The following EIF3J variants were observed in gnomAD, a reference collection of about 807,000 sequenced individuals.
EIF3J encodes eukaryotic translation initiation factor 3, subunit 1 (alpha, 35kD).
EIF3J carries 15 observed loss-of-function variants against 39.0 expected under a neutral mutation model. That is an observed-to-expected ratio of 0.38 (90% CI 0.26 to 0.59). The LOEUF (loss-of-function observed/expected upper bound fraction) is 0.59, where lower values mean the gene tolerates loss of function less well. Ranked by LOEUF, EIF3J falls within the 20% of genes least tolerant of loss-of-function variation. The probability of loss-of-function intolerance (pLI) is 0.60; values close to 1 mark genes in which losing one functional copy is unlikely to be tolerated. For synonymous variants in EIF3J, 98 were observed against 112.9 expected (o/e 0.87, Z 0.84); for missense variants, 226 against 308.6 (o/e 0.73, Z 2.00).
intron 4 of EIF3J, among the ~76,000 whole-genome samples, chr15:44,553,971 C>G (rs924572682): frequency 6.6e-6 from 1 of 151,972 alleles, no homozygotes; most frequent in Non-Finnish European, 1.5e-5. Context: ...TAGAAGTAAC[C>G]CCAGTCTTCC....
chr15:44,550,795 C>G (rs962908452), intron 2 of EIF3J, 81 bp from the exon 3 acceptor site: 3 of 961,672 alleles, frequency 3.1e-6, no homozygotes, highest in Non-Finnish European at 4.9e-6. Flanking sequence ...AAACATTTCT[C>G]TGGAGTTAGT....
chr15:44,560,113 C>A, intron 6 of EIF3J, 136 bp from the exon 7 acceptor site: 1 of 683,546 alleles, frequency 1.5e-6, no homozygotes, highest in Non-Finnish European at 2.3e-6. Context: ...TAACAATGAA[C>A]AAATTGGATT....
At chr15:44,546,066 TC>T (rs1293827620) in intron 2 of EIF3J, among the ~76,000 whole-genome samples, 1 of 152,206 alleles carries the variant, frequency 6.6e-6, no homozygotes, top group Non-Finnish European at 1.5e-5. Flanking sequence ...CACTCACAGA[TC>T]CAGCCTTCCT....
chr15:44,549,139 C>T (rs1220261365), intron 2 of EIF3J, among the ~76,000 whole-genome samples: 2 of 151,932 alleles, frequency 1.3e-5, no homozygotes, highest in East Asian at 1.9e-4. Flanking sequence ...CATGCCTGTA[C>T]TCCCAGCACT....
rs375920967 is a variant in EIF3J, at chr15:44,537,154, C to T, written c.-41C>T. 8 of 1,613,130 alleles carry T rather than the reference C, an allele frequency of 5.0e-6. No homozygotes were observed. Among genetic ancestry groups the T allele is most frequent in the South Asian group, 3.3e-5 (3 of 91,056 alleles). ...ACTCACCTCCGCCGTGCTAACTCCT[C>T]GCTAGCTCTCCCTCTCACACACGCT... On this transcript the variant is annotated 5_prime_UTR_variant, in exon 1 of 8. Transcript: ENST00000261868.
At chr15:44,560,511 C>G (rs2082182806) in intron 7 of EIF3J, 189 bp downstream of exon 7, 1 of 539,372 alleles carries the variant, frequency 1.9e-6, no homozygotes, top group Non-Finnish European at 3.2e-6. Context: ...TTCCCCTTTT[C>G]TGAGTTAATA....
At position 44,537,380 on chromosome 15, in the gene EIF3J, G is replaced by T; in HGVS notation, c.100G>T (p.Ala34Ser). The T allele has an allele frequency of 6.4e-7, 1 of 1,567,700 alleles. No homozygotes were observed. The highest frequency in any genetic ancestry group is 1.2e-5 in the South Asian group (1 of 85,784). ...GCGGAAGGTGGGGGGCGGCGGCACTGCCGGCGGGGACCGCTGGGAAGGCGA... is the reference window on the plus strand; with the variant it reads ...GCGGAAGGTGGGGGGCGGCGGCACTTCCGGCGGGGACCGCTGGGAAGGCGA... ...PVRKVGGGGT[A>S]GGDRWEGEDE... The change falls in exon 2 of 8, where the codon GCC becomes TCC. Residue 34 changes from alanine to serine, a missense_variant. Coordinates refer to ENST00000261868, the MANE Select transcript of EIF3J (RefSeq NM_003758.4).
intron 3 of EIF3J, 39 bp from the exon 4 acceptor site, chr15:44,551,390 AAT>A (rs1442909470): frequency 1.5e-6 from 2 of 1,306,064 alleles, no homozygotes; most frequent in African/African-American, 3.0e-5. Context: ...TAAACTGGAA[AAT>A]ACTCAGTATA....
Position 44,551,416 on chromosome 15 carries a change from T to G in EIF3J, c.203-15T>G. ...ATACTCAGTATAACTGAATAAAACT[T>G]TTTTTTACTTTTAGAGGTAAAAATT... On this transcript the variant is annotated splice_polypyrimidine_tract_variant and intron_variant, in intron 3 of 7. Transcript: ENST00000261868. The G allele has an allele frequency of 6.6e-7, 1 of 1,526,082 alleles. No homozygotes were observed. The highest frequency in any genetic ancestry group is 2.3e-5 in the East Asian group (1 of 44,000). The allele number at this position is 1,526,082 out of a possible 1,614,324, so 94.5% of individuals were successfully genotyped here. A position where few individuals can be genotyped will look rare whatever the true frequency, so the allele number is the denominator to read the frequency against.
intron 2 of EIF3J, among the ~76,000 whole-genome samples, chr15:44,547,294 C>T (rs903148758): frequency 4.0e-5 from 6 of 151,844 alleles, no homozygotes; most frequent in African/African-American, 1.5e-4. Flanking sequence ...CAGGCATGTG[C>T]CACCACACCC....
intron 2 of EIF3J, among the ~76,000 whole-genome samples, chr15:44,538,094 A>G (rs1052203691): frequency 6.6e-6 from 1 of 152,092 alleles, no homozygotes; most frequent in African/African-American, 2.4e-5. Flanking sequence ...GACGACAGTT[A>G]CTCAACTACA....
At chr15:44,551,081 C>G (rs1391348604) in intron 3 of EIF3J, 151 bp downstream of exon 3, 1 of 1,320,560 alleles carries the variant, frequency 7.6e-7, no homozygotes, top group Non-Finnish European at 1.0e-6. Context: ...TCTGTTTTCC[C>G]TGCAACTTTT....
chr15:44,543,141 A>G (rs754549944), intron 2 of EIF3J, among the ~76,000 whole-genome samples: 10 of 152,216 alleles, frequency 6.6e-5, no homozygotes, highest in African/African-American at 9.7e-5. Flanking sequence ...TCAGACACTT[A>G]ATTTTATAAC....
Position 44,551,979 on chromosome 15 carries a change from C to T in EIF3J, c.294+457C>T, listed in dbSNP as rs1013629398. Among the ~76,000 whole-genome samples the T allele has an allele frequency of 9.2e-5, 14 of 151,736 alleles. No individual in the cohort carries two copies. In the East Asian group the frequency reaches 2.3e-3, roughly 25 times the overall value. ...TGAGTAGCTGGGACTACAGGAGCCA[C>T]GGCGAGCTAATTTTTTGTATTTTAG... On this transcript the variant is annotated intron_variant, in intron 4 of 7. Transcript: ENST00000261868.
intron 2 of EIF3J, among the ~76,000 whole-genome samples, chr15:44,540,530 C>T (rs565663346): frequency 2.0e-5 from 3 of 151,732 alleles, no homozygotes; most frequent in African/African-American, 7.3e-5. Flanking sequence ...GCCTTGGCCT[C>T]CCAGAGTGCT....
At chr15:44,540,836 A>G (rs2082009266) in intron 2 of EIF3J, among the ~76,000 whole-genome samples, 1 of 152,208 alleles carries the variant, frequency 6.6e-6, no homozygotes, top group African/African-American at 2.4e-5. Flanking sequence ...TCATGTCAGC[A>G]TCTAGTACTT....
chr15:44,545,475 T>C (rs545241493), intron 2 of EIF3J, among the ~76,000 whole-genome samples: 75 of 152,372 alleles, frequency 4.9e-4, no homozygotes, highest in Middle Eastern at 3.4e-3. Context: ...CCGTGAACTT[T>C]GTAAGCAAGT....
Position 44,554,587 on chromosome 15 carries a change from C to T in EIF3J, c.329C>T (p.Pro110Leu). 1 of 1,611,992 alleles carries T rather than the reference C, an allele frequency of 6.2e-7. No homozygotes were observed. ...EEPEEPKVLT[P>L]EEQLADKLRL... ...CCCGAAGAACCTAAAGTGCTAACAC[C>T]AGAAGAACAATTAGCAGATAAACTG... Residue 110 changes from proline to leucine, a missense_variant, in exon 5 of 8, where the codon CCA becomes CTA. Transcript: ENST00000261868.
intron 4 of EIF3J, among the ~76,000 whole-genome samples, chr15:44,553,543 ATAC>A (rs2082119026): frequency 6.6e-6 from 1 of 152,156 alleles, no homozygotes; most frequent in Admixed American, 6.5e-5. Context: ...GAAGATAGAT[ATAC>A]ACTAAGCTGT....
Sources: allele counts gnomAD v4.1 joint callset (sites outside exome capture counted in the v4.1 genomes callset), GRCh38; gene constraint gnomAD v4.1.1; transcripts MANE v1.5; gene names NCBI Gene and HGNC (gene_info 2026-07-23, HGNC 2026-07-21).